RYR2: variants seen among roughly 807,000 people sequenced by gnomAD.
RYR2 encodes the protein ryanodine receptor 2.
Under a neutral mutation model 601.1 loss-of-function variants are expected in RYR2, and 227 were observed. That is an observed-to-expected ratio of 0.38 (90% CI 0.34 to 0.42). RYR2 has a LOEUF of 0.42. Ranked by LOEUF, RYR2 falls within the 10% of genes least tolerant of loss-of-function variation. The pLI is 1.00. For missense variants in RYR2, 4,646 were observed against 6,156.5 expected (o/e 0.75, Z 8.21); for synonymous variants, 2,223 against 2,175.1 (o/e 1.02, Z -0.61).
Position 237,792,251 on chromosome 1 carries a change from C to G in RYR2, c.13710C>G (p.Pro4570=). 1 of 1,613,796 alleles carries G rather than the reference C, an allele frequency of 6.2e-7. No homozygotes were observed. Among genetic ancestry groups the G allele is most frequent in the South Asian group, 1.1e-5 (1 of 91,080 alleles). The change falls in exon 94 of 105, where the codon CCC becomes CCG. Residue 4570 remains proline (P), a synonymous_variant. Coordinates refer to ENST00000366574, the MANE Select transcript of RYR2 (RefSeq NM_001035.3). The part of the protein sequence containing the change: ...VLEESSGYME[P]TLRILAILHT... Reference sequence around the variant, plus strand: ...AGGAGAGCAGCGGCTACATGGAGCCCACGTTGCGTATCTTAGCTATTCTGC... The same window carrying G: ...AGGAGAGCAGCGGCTACATGGAGCCGACGTTGCGTATCTTAGCTATTCTGC...
At chr1:237,046,491 C>A (rs565300856) in intron 1 of RYR2, among the ~76,000 whole-genome samples, 1 of 152,130 alleles carries the variant, frequency 6.6e-6, no homozygotes, top group Non-Finnish European at 1.5e-5. Flanking sequence ...AATGAAGCTA[C>A]GAGGAGCTTT....
intron 3 of RYR2, among the ~76,000 whole-genome samples, chr1:237,349,884 TC>T (rs2149662466): frequency 6.6e-6 from 1 of 152,260 alleles, no homozygotes; most frequent in African/African-American, 2.4e-5. Context: ...CTGAATCTGT[TC>T]TTAAATTAGA....
chr1:237,712,096 G>A (rs1202013022), intron 71 of RYR2, among the ~76,000 whole-genome samples: 1 of 152,122 alleles, frequency 6.6e-6, no homozygotes, highest in East Asian at 1.9e-4. Flanking sequence ...CAGGAGGCAT[G>A]GCATGCCAGG....
At position 237,417,030 on chromosome 1, in the gene RYR2, T is replaced by C. The variant is rs776307320; in HGVS notation, c.774-19T>C. 6.2e-7 allele frequency: 1 copy of C among 1,611,718 alleles called. No individual in the cohort carries two copies. The highest frequency in any genetic ancestry group is 1.1e-5 in the South Asian group (1 of 90,974). On this transcript the variant is annotated intron_variant, in intron 10 of 104. Coordinates refer to ENST00000366574, the MANE Select transcript of RYR2 (RefSeq NM_001035.3). ...CATGTTTAACTCACATTTGGGCTTTTGTTTGTTTGTTGAAACAGAACTGTT... is the reference window on the plus strand; with the variant it reads ...CATGTTTAACTCACATTTGGGCTTTCGTTTGTTTGTTGAAACAGAACTGTT...
chr1:237,717,162 C>A, intron 71 of RYR2, 36 bp from the exon 72 acceptor site: 1 of 1,599,422 alleles, frequency 6.3e-7, no homozygotes, highest in Non-Finnish European at 8.5e-7. Context: ...GTGAGAAAAG[C>A]AGGTTCAGAT....
chr1:237,639,930 A>G (rs1484776469), intron 46 of RYR2, among the ~76,000 whole-genome samples: 1 of 152,166 alleles, frequency 6.6e-6, no homozygotes, highest in African/African-American at 2.4e-5. Context: ...TGTCTTTTAC[A>G]TATAAACTGG....
At chr1:237,171,952 T>C (rs1677448718) in intron 1 of RYR2, among the ~76,000 whole-genome samples, 1 of 152,254 alleles carries the variant, frequency 6.6e-6, no homozygotes, top group Non-Finnish European at 1.5e-5. Context: ...CCATTTTGTG[T>C]TTCCTGGATG....
intron 1 of RYR2, among the ~76,000 whole-genome samples, chr1:237,243,417 C>T (rs78771356): frequency 0.018 from 2,775 of 152,228 alleles, 82 homozygotes; most frequent in African/African-American, 0.063. Flanking sequence ...TTTACATTTA[C>T]GGGCTTATTA....
intron 17 of RYR2, among the ~76,000 whole-genome samples, chr1:237,475,662 G>T (rs1210556514): frequency 2.0e-5 from 3 of 152,092 alleles, no homozygotes; most frequent in Non-Finnish European, 4.4e-5. Context: ...AGATTTGTGG[G>T]ATACGGTGTG....
Position 237,660,886 on chromosome 1 carries a change from C to T in RYR2, c.8375C>T (p.Thr2792Ile). 6.5e-7 allele frequency: 1 copy of T among 1,538,436 alleles called. No individual in the cohort carries two copies. Among genetic ancestry groups the T allele is most frequent in the Non-Finnish European group, 8.8e-7 (1 of 1,139,328 alleles). ...MLAWGWRIER[T>I]REGDSMALYN... ...GCTTGGGGCTGGAGAATTGAAAGAA[C>T]TCGGGAGGGAGACAGCATGGCCCTT... The change falls in exon 56 of 105, where the codon ACT (threonine) becomes ATT (isoleucine). Residue 2792 changes from threonine (T) to isoleucine (I), a missense_variant. Physicochemically the swap from Thr to Ile is moderately conservative, Grantham distance 89 (BLOSUM62 -1). Coordinates refer to ENST00000366574, the MANE Select transcript of RYR2 (RefSeq NM_001035.3).
At chr1:237,685,401 C>A (rs1686294900) in intron 62 of RYR2, among the ~76,000 whole-genome samples, 1 of 152,078 alleles carries the variant, frequency 6.6e-6, no homozygotes, top group Admixed American at 6.6e-5. Context: ...TTTTCTCTGA[C>A]AGATTTTCAG....
chr1:237,457,840 C>A (rs1315040384), intron 16 of RYR2, among the ~76,000 whole-genome samples: 1 of 152,220 alleles, frequency 6.6e-6, no homozygotes. Context: ...CCTCCAAAAT[C>A]TCAGATTCAT....
At chr1:237,351,887 C>G (rs926846746) in intron 3 of RYR2, among the ~76,000 whole-genome samples, 10 of 129,132 alleles carry the variant, frequency 7.7e-5, no homozygotes, top group Admixed American at 6.3e-4. Context: ...AAGGTATAGA[C>G]TAATATTTAT....
chr1:237,439,144 A>G (rs1278077953), intron 12 of RYR2, among the ~76,000 whole-genome samples: 1 of 152,150 alleles, frequency 6.6e-6, no homozygotes, highest in African/African-American at 2.4e-5. Context: ...TTTGTTGTTC[A>G]TGCTGTACTT....
intron 70 of RYR2, among the ~76,000 whole-genome samples, chr1:237,710,737 TGGG>T (rs1236949697): frequency 1.3e-5 from 1 of 74,772 alleles, no homozygotes; most frequent in Non-Finnish European, 3.1e-5. Flanking sequence ...CGGTGACAGG[TGGG>T]AGCATTGCTT....
At chr1:237,137,607 T>C (rs1672932094) in intron 1 of RYR2, among the ~76,000 whole-genome samples, 1 of 152,206 alleles carries the variant, frequency 6.6e-6, no homozygotes. Flanking sequence ...TGGGTTATCT[T>C]TGAAAGCAGT....
chr1:237,808,976 T>C lies in RYR2; in HGVS notation c.14374T>C (p.Phe4792Leu). 1 of 1,613,640 alleles carries C rather than the reference T, an allele frequency of 6.2e-7. No homozygotes were observed. Among genetic ancestry groups the C allele is most frequent in the Non-Finnish European group, 8.5e-7 (1 of 1,179,574 alleles). Residue 4792 changes from phenylalanine to leucine, a missense_variant, in exon 100 of 105, where the codon TTC becomes CTC. Phe to Leu is a conservative substitution (Grantham distance 22). Around this residue, in one of 17 missense-constraint regions of RYR2, gnomAD observed 21 missense variants for 24.8 expected, o/e 0.85. Transcript: ENST00000366574. ...GGTGGCATTCAATTTTTTCCGAAAA[T>C]TCTACAATAAAAGTGAAGATGGTGA... ...TVVAFNFFRK[F>L]YNKSEDGDTP...
At chr1:237,664,620 C>T (rs1684125828) in intron 56 of RYR2, among the ~76,000 whole-genome samples, 1 of 152,040 alleles carries the variant, frequency 6.6e-6, no homozygotes, top group Non-Finnish European at 1.5e-5. Context: ...GGAAAATGCC[C>T]CTATGATTCA....
intron 79 of RYR2, among the ~76,000 whole-genome samples, chr1:237,738,467 C>A (rs1476906292): frequency 6.6e-6 from 1 of 152,076 alleles, no homozygotes; most frequent in Non-Finnish European, 1.5e-5. Context: ...CACAAAGAAA[C>A]CATCATTCTA....
Sources: gnomAD v4.1 joint callset for allele counts (sites outside exome capture counted in the v4.1 genomes callset) on GRCh38, gnomAD v4.1.1 for gene constraint, gnomAD v4.1.1 regional missense constraint, MANE v1.5 for transcripts, NCBI Gene and HGNC (gene_info 2026-07-23, HGNC 2026-07-21) for gene names.